The following ERCC6 variants were observed in gnomAD, a reference collection of about 807,000 sequenced individuals.
ERCC6 encodes the protein DNA excision repair protein ERCC-6.
Under a neutral mutation model 158.7 loss-of-function variants are expected in ERCC6, and 116 were observed. That is an observed-to-expected ratio of 0.73 (90% CI 0.63 to 0.85). ERCC6 has a LOEUF of 0.85. Among genes scored for constraint, ERCC6 ranks in the 40% least tolerant of loss-of-function variants. The pLI, the probability that ERCC6 is intolerant of heterozygous loss-of-function variation, is 0.00. For missense variants in ERCC6, 1,698 were observed against 1,799.4 expected (o/e 0.94, Z 1.02); for synonymous variants, 678 against 659.3 (o/e 1.03, Z -0.43).
chr10:49,524,702 C>A lies in ERCC6; in HGVS notation c.728G>T (p.Gly243Val). ...ETAWEELIRTGQMTPFGTQIP... is the reference protein window; with the variant it reads ...ETAWEELIRTVQMTPFGTQIP... Reference sequence around the variant, plus strand: ...CTGGGTACCAAAAGGTGTCATCTGGCCAGTGCGGATGAGCTCTTCCCAGGC... The same window carrying A: ...CTGGGTACCAAAAGGTGTCATCTGGACAGTGCGGATGAGCTCTTCCCAGGC... Residue 243 changes from glycine (G) to valine (V), a missense_variant, in exon 5 of 21, where the codon GGC becomes GTC. By Grantham distance (109) the Gly-to-Val change is moderately radical. Transcript: ENST00000355832. 2 of 1,610,670 alleles carry A rather than the reference C, an allele frequency of 1.2e-6. No homozygotes were observed. Among genetic ancestry groups the A allele is most frequent in the Non-Finnish European group, 1.7e-6 (2 of 1,180,018 alleles).
chr10:49,489,679 GGAGA>G (rs913269504), intron 8 of ERCC6, among the ~76,000 whole-genome samples: 2 of 152,126 alleles, frequency 1.3e-5, no homozygotes, highest in South Asian at 2.1e-4. Flanking sequence ...AAAAAAGGTA[GGAGA>G]GAGACAACTG....
Position 49,505,974 on chromosome 10 carries a change from C to T in ERCC6, c.1436G>A (p.Arg479His), listed in dbSNP as rs139161933. Residue 479 changes from arginine to histidine, a missense_variant, in exon 6 of 21, where the codon CGT (arginine) becomes CAT (histidine). By Grantham distance (29) the Arg-to-His change is conservative. Coordinates refer to ENST00000355832, the MANE Select transcript of ERCC6 (RefSeq NM_000124.4). ...NKLRLQDKEK[R>H]LKLEDDSEES... ...CTCAGAATCGTCCTCCAGCTTCAGA[C>T]GTTTCTCTTTGTCCTGCAGTCTCAG... The T allele has an allele frequency of 2.8e-4, 452 of 1,613,320 alleles. No homozygotes were observed. Among genetic ancestry groups the T allele is most frequent in the Non-Finnish European group, 3.6e-4 (421 of 1,179,536 alleles).
chr10:49,467,668 C>T (rs1850701349), intron 18 of ERCC6, among the ~76,000 whole-genome samples: 1 of 152,042 alleles, frequency 6.6e-6, no homozygotes, highest in South Asian at 2.1e-4. Context: ...CAGGCTCGAG[C>T]AATCCTCCCA....
At chr10:49,515,378 A>G in intron 5 of ERCC6, 1 of 1,613,966 alleles carries the variant, frequency 6.2e-7, no homozygotes, top group Non-Finnish European at 8.5e-7. Flanking sequence ...GTAAGGCAAC[A>G]TCACATTTTT....
Position 49,510,839 on chromosome 10 carries a change from C to G in ERCC6, c.1398-4827G>C, listed in dbSNP as rs537021318. The stretch of plus-strand genomic sequence containing the variant: ...GTTCTGGAAACTTTCTGTTCTGTCT[C>G]ATTTAGAGCCTACCTCTTGCTGCAT... On this transcript the variant is annotated intron_variant, in intron 5 of 20. Transcript: ENST00000355832. Among the ~76,000 whole-genome samples the G allele has an allele frequency of 2.0e-5, 3 of 152,216 alleles. No individual in the cohort carries two copies. The South Asian group carries it at 6.2e-4, about 32-fold the overall frequency.
intron 5 of ERCC6, among the ~76,000 whole-genome samples, chr10:49,511,466 G>A (rs1029082038): frequency 6.8e-6 from 1 of 146,526 alleles, no homozygotes; most frequent in Non-Finnish European, 1.5e-5. Context: ...ACTCTGTCAC[G>A]TCAGCTGGAG....
rs1170906637 is a variant in ERCC6, at chr10:49,530,795, C to T, written c.468G>A (p.Gln156=). ...TGCTGGTGGCAGCTTGAGGGCTAAG[C>T]TGTTCAATAATTTTATTGATTTGCC... ...SLRQINKIIE[Q]LSPQAATSRD... Residue 156 remains glutamine, a synonymous_variant, in exon 3 of 21, where the codon CAG becomes CAA. Transcript: ENST00000355832. The T allele has an allele frequency of 5.0e-6, 8 of 1,613,652 alleles. 1 individual carries two copies. Among genetic ancestry groups the T allele is most frequent in the African/African-American group, 1.3e-5 (1 of 74,886 alleles).
Position 49,537,508 on chromosome 10 carries a change from T to TACACACAC in ERCC6, c.-15+1446_-15+1453dup, listed in dbSNP as rs36057162. Among the ~76,000 whole-genome samples, 259 of 145,682 alleles carry TACACACAC rather than the reference T, an allele frequency of 1.8e-3. 1 individual carries two copies. The highest frequency in any genetic ancestry group is 4.3e-3 in the African/African-American group (168 of 39,502). Reference sequence around the variant, plus strand: ...AAAACTATATATATATATATACACATACACACACACACACACACACACACA... The same window carrying TACACACAC: ...AAAACTATATATATATATATACACATACACACACACACACACACACACACACACACACA... On this transcript the variant is annotated intron_variant, in intron 1 of 20. Transcript: ENST00000355832.
intron 2 of ERCC6, among the ~76,000 whole-genome samples, chr10:49,531,492 C>G (rs538827316): frequency 6.6e-6 from 1 of 152,116 alleles, no homozygotes; most frequent in African/African-American, 2.4e-5. Context: ...ATAAACAATG[C>G]GTATTACTGG....
intron 18 of ERCC6, among the ~76,000 whole-genome samples, chr10:49,466,122 T>C (rs149558496): frequency 2.0e-5 from 3 of 152,304 alleles, no homozygotes; most frequent in Non-Finnish European, 4.4e-5. Context: ...TTTAAACTGA[T>C]AGCACACACT....
At chr10:49,485,409 T>C (rs185428752) in intron 8 of ERCC6, among the ~76,000 whole-genome samples, 2 of 152,354 alleles carry the variant, frequency 1.3e-5, no homozygotes, top group Non-Finnish European at 1.5e-5. Flanking sequence ...GTATGTGATA[T>C]ACATACCATT....
At chr10:49,517,704 A>C (rs1425446415) in intron 5 of ERCC6, among the ~76,000 whole-genome samples, 1 of 151,120 alleles carries the variant, frequency 6.6e-6, no homozygotes, top group Admixed American at 6.6e-5. Flanking sequence ...GGCGCACATC[A>C]CCACACCCAG....
chr10:49,537,420 T>C (rs1271458506), intron 1 of ERCC6, among the ~76,000 whole-genome samples: 1 of 151,316 alleles, frequency 6.6e-6, no homozygotes, highest in Non-Finnish European at 1.5e-5. Flanking sequence ...CCAGGCAATG[T>C]ACTAGGTTAA....
chr10:49,437,052 G>C, the ERCC6 span, among the ~76,000 whole-genome samples: 1 of 152,122 alleles, frequency 6.6e-6, no homozygotes, highest in Admixed American at 6.5e-5. Context: ...TGAATCATGG[G>C]GGGTGGTTTC....
At chr10:49,497,356 AC>A (rs1393491080) in intron 7 of ERCC6, among the ~76,000 whole-genome samples, 1 of 152,286 alleles carries the variant, frequency 6.6e-6, no homozygotes, top group African/African-American at 2.4e-5. Flanking sequence ...AAATATTTTT[AC>A]AACAAACTCA....
chr10:49,442,702 A>G, the ERCC6 span, among the ~76,000 whole-genome samples: 1 of 152,210 alleles, frequency 6.6e-6, no homozygotes, highest in Non-Finnish European at 1.5e-5. Flanking sequence ...GCAGGTGGCC[A>G]TGGAACCAGG....
chr10:49,453,539 T>G (rs1354454699), downstream of ERCC6, among the ~76,000 whole-genome samples: 2 of 152,230 alleles, frequency 1.3e-5, no homozygotes, highest in African/African-American at 4.8e-5. Context: ...TTTGATACAG[T>G]TGCATTTTAA....
At chr10:49,529,184 C>T (rs1837411633) in intron 3 of ERCC6, among the ~76,000 whole-genome samples, 1 of 152,200 alleles carries the variant, frequency 6.6e-6, no homozygotes, top group Admixed American at 6.5e-5. Flanking sequence ...GCTTGTGGTA[C>T]CTGGTTCATC....
intron 5 of ERCC6, among the ~76,000 whole-genome samples, chr10:49,523,701 T>C (rs946069134): frequency 1.3e-5 from 2 of 152,174 alleles, no homozygotes; most frequent in African/African-American, 4.8e-5. Context: ...TTTTTCCTGA[T>C]ACTCATTCTA....
Sources: gnomAD v4.1 joint callset for allele counts (sites outside exome capture counted in the v4.1 genomes callset) on GRCh38, gnomAD v4.1.1 for gene constraint, MANE v1.5 for transcripts, NCBI Gene and HGNC (gene_info 2026-07-23, HGNC 2026-07-21) for gene names.